TESK2: variants seen among roughly 807,000 people sequenced by gnomAD.
TESK2 encodes the protein testis associated actin remodelling kinase 2.
TESK2 carries 39 observed loss-of-function variants against 57.1 expected under a neutral mutation model. The observed-to-expected ratio is 0.68, with a 90% CI of 0.53 to 0.89. The LOEUF (loss-of-function observed/expected upper bound fraction) is 0.89, where lower values mean the gene tolerates loss of function less well. Ranked by LOEUF, TESK2 falls within the 40% of genes least tolerant of loss-of-function variation. TESK2 has a pLI of 0.00. For synonymous variants in TESK2, 249 were observed against 267.9 expected (o/e 0.93, Z 0.69); for missense variants, 646 against 732.1 (o/e 0.88, Z 1.36).
chr1:45,477,019 CT>C (rs1653024273), intron 1 of TESK2, among the ~76,000 whole-genome samples: 1 of 140,424 alleles, frequency 7.1e-6, no homozygotes, highest in South Asian at 2.3e-4. Flanking sequence ...CTAGATTGGT[CT>C]TGAATTCCTG....
intron 3 of TESK2, among the ~76,000 whole-genome samples, chr1:45,405,653 T>C (rs1051634909): frequency 6.7e-6 from 1 of 149,430 alleles, no homozygotes. Context: ...TCTATATCTA[T>C]ATATAGATAT....
chr1:45,381,491 T>C (rs955733653), intron 4 of TESK2, among the ~76,000 whole-genome samples: 1 of 152,082 alleles, frequency 6.6e-6, no homozygotes, highest in African/African-American at 2.4e-5. Flanking sequence ...GGTATCATCT[T>C]AAAAAGGACA....
intron 1 of TESK2, among the ~76,000 whole-genome samples, chr1:45,481,879 T>C (rs183243282): frequency 4.0e-4 from 61 of 152,298 alleles, no homozygotes; most frequent in Middle Eastern, 3.4e-3. Context: ...CATGGTGCCA[T>C]TCATAGTCAA....
intron 3 of TESK2, among the ~76,000 whole-genome samples, chr1:45,417,917 T>C (rs2149285735): frequency 6.6e-6 from 1 of 152,278 alleles, no homozygotes; most frequent in Middle Eastern, 3.4e-3. Context: ...AGTTTTACAG[T>C]TTCAGGTTAT....
At chr1:45,366,061 G>A (rs6692066) in intron 4 of TESK2, among the ~76,000 whole-genome samples, 9,674 of 151,250 alleles carry the variant, frequency 0.064, 1,088 homozygotes, top group African/African-American at 0.22. Flanking sequence ...CGCCTGCCTC[G>A]ACCTCCCAAA....
chr1:45,345,593 G>A, intron 10 of TESK2, 35 bp from the exon 11 acceptor site: 1 of 1,551,642 alleles, frequency 6.4e-7, no homozygotes, highest in South Asian at 1.2e-5. Context: ...ACTCTCACTA[G>A]TCATAACAAA....
At chr1:45,467,785 C>T (rs538538586) in intron 1 of TESK2, among the ~76,000 whole-genome samples, 27 of 152,190 alleles carry the variant, frequency 1.8e-4, no homozygotes, top group African/African-American at 5.3e-4. Flanking sequence ...AAATTTCCAC[C>T]GTAGTTTTTA....
chr1:45,347,844 G>C, intron 6 of TESK2, 74 bp downstream of exon 6: 1 of 1,454,522 alleles, frequency 6.9e-7, no homozygotes, highest in Non-Finnish European at 9.7e-7. Flanking sequence ...CTGGCCTCTG[G>C]GGAGGAGGCT....
intron 4 of TESK2, among the ~76,000 whole-genome samples, chr1:45,366,707 G>C (rs1162488228): frequency 6.6e-6 from 1 of 152,188 alleles, no homozygotes; most frequent in African/African-American, 2.4e-5. Flanking sequence ...TAAATAAATG[G>C]AGGTGGGTTT....
At chr1:45,462,083 C>T (rs1652353524) in intron 1 of TESK2, among the ~76,000 whole-genome samples, 1 of 152,002 alleles carries the variant, frequency 6.6e-6, no homozygotes, top group South Asian at 2.1e-4. Flanking sequence ...CACTCAACAC[C>T]CCCAACACAC....
At chr1:45,453,465 G>A (rs1446466584) in intron 2 of TESK2, among the ~76,000 whole-genome samples, 1 of 152,024 alleles carries the variant, frequency 6.6e-6, no homozygotes, top group African/African-American at 2.4e-5. Context: ...TCAACAAATG[G>A]TGCTTGTAAA....
intron 2 of TESK2, among the ~76,000 whole-genome samples, chr1:45,435,114 C>T (rs924030173): frequency 6.6e-6 from 1 of 151,720 alleles, no homozygotes; most frequent in African/African-American, 2.4e-5. Flanking sequence ...CAGGTGTGCA[C>T]CACCATGGCT....
chr1:45,483,544 G>A (rs1209484587), intron 1 of TESK2, among the ~76,000 whole-genome samples: 1 of 151,476 alleles, frequency 6.6e-6, no homozygotes, highest in Non-Finnish European at 1.5e-5. Context: ...GTTGCAGTGA[G>A]CTGTGCCATT....
At chr1:45,373,992 A>G (rs771955318) in intron 4 of TESK2, among the ~76,000 whole-genome samples, 10 of 152,234 alleles carry the variant, frequency 6.6e-5, no homozygotes, top group Non-Finnish European at 1.0e-4. Flanking sequence ...AAACATATCT[A>G]GCCTAAACTC....
chr1:45,358,897 G>C (rs181230495), intron 4 of TESK2, among the ~76,000 whole-genome samples: 1 of 152,302 alleles, frequency 6.6e-6, no homozygotes, highest in East Asian at 1.9e-4. Flanking sequence ...TGGAGACTTA[G>C]AGACCACAGC....
chr1:45,383,165 A>G (rs781382567), intron 4 of TESK2, among the ~76,000 whole-genome samples: 4 of 152,240 alleles, frequency 2.6e-5, no homozygotes, highest in African/African-American at 9.6e-5. Flanking sequence ...CATTCCACCA[A>G]CTGAAAAGTA....
intron 3 of TESK2, among the ~76,000 whole-genome samples, chr1:45,418,304 ACT>A (rs1557565126): frequency 6.6e-6 from 1 of 152,078 alleles, no homozygotes; most frequent in Non-Finnish European, 1.5e-5. Flanking sequence ...CATCTACCTC[ACT>A]CTCAAACATG....
chr1:45,384,603 T>TATTTA (rs1304835271), intron 4 of TESK2, among the ~76,000 whole-genome samples: 4 of 122,170 alleles, frequency 3.3e-5, no homozygotes, highest in Admixed American at 1.7e-4. Flanking sequence ...ATTTTTTTTT[T>TATTTA]TTTTTTTTTT....
chr1:45,429,132 TGA>T (rs776128332), intron 2 of TESK2, among the ~76,000 whole-genome samples: 1 of 152,226 alleles, frequency 6.6e-6, no homozygotes, highest in Non-Finnish European at 1.5e-5. Context: ...CTAAATATTA[TGA>T]GACATTTTAA....
Sources: allele counts gnomAD v4.1 joint callset (sites outside exome capture counted in the v4.1 genomes callset), GRCh38; gene constraint gnomAD v4.1.1; transcripts MANE v1.5; gene names NCBI Gene and HGNC (gene_info 2026-07-23, HGNC 2026-07-21).